The following DMD variants were observed in gnomAD, a reference collection of about 807,000 sequenced individuals.
DMD encodes the protein mutant dystrophin.
DMD carries 63 observed loss-of-function variants against 330.1 expected under a neutral mutation model. The observed-to-expected ratio is 0.19, with a 90% CI of 0.16 to 0.24. DMD has a LOEUF of 0.24. DMD is among the 10% of genes least tolerant of loss of function. DMD has a pLI of 1.00. For missense variants in DMD, 3,344 were observed against 2,684.1 expected (o/e 1.25, Z -5.43); for synonymous variants, 1,223 against 959.8 (o/e 1.27, Z -5.07).
At chrX:32,925,174 T>TTA (rs1491270637) in intron 2 of DMD, among the ~76,000 whole-genome samples, 26 of 77,613 alleles carry the variant, frequency 3.3e-4, no homozygotes, top group African/African-American at 1.2e-3. Context: ...TTTTTTTTTT[T>TTA]AGAAAAATAA....
chrX:32,170,925 T>C (rs993016874), intron 44 of DMD, among the ~76,000 whole-genome samples: 1 of 111,376 alleles, frequency 9.0e-6, no homozygotes, highest in African/African-American at 3.3e-5. Context: ...TCCTAAGTGA[T>C]ATACTCCTTT....
chrX:31,291,586 AAAAG>A (rs1245057496), intron 62 of DMD, among the ~76,000 whole-genome samples: 1 of 112,041 alleles, frequency 8.9e-6, no homozygotes, highest in African/African-American at 3.2e-5. Flanking sequence ...TGACACTGAC[AAAAG>A]AAGAAATAGA....
chrX:32,962,628 C>T (rs187774442), intron 2 of DMD, among the ~76,000 whole-genome samples: 22 of 111,553 alleles, frequency 2.0e-4, no homozygotes, highest in African/African-American at 7.2e-4. Flanking sequence ...TTCACACACA[C>T]CTCCACACAT....
At chrX:31,917,913 T>C (rs2094630811) in intron 47 of DMD, among the ~76,000 whole-genome samples, 1 of 111,762 alleles carries the variant, frequency 8.9e-6, no homozygotes, top group South Asian at 3.8e-4. Context: ...GTGCACAGTT[T>C]GGGACATGTG....
At chrX:32,795,965 G>T (rs1261875384) in intron 7 of DMD, among the ~76,000 whole-genome samples, 1 of 111,332 alleles carries the variant, frequency 9.0e-6, no homozygotes, top group Non-Finnish European at 1.9e-5. Flanking sequence ...AGATGTTGAC[G>T]AGGTGCAACG....
intron 1 of DMD, among the ~76,000 whole-genome samples, chrX:33,028,234 CG>C (rs890227516): frequency 8.1e-5 from 9 of 111,321 alleles, no homozygotes; most frequent in African/African-American, 2.6e-4. Flanking sequence ...GATGTGTTTA[CG>C]GGGTAGTATT....
At chrX:32,585,097 A>T (rs2149207340) in intron 13 of DMD, among the ~76,000 whole-genome samples, 1 of 111,517 alleles carries the variant, frequency 9.0e-6, no homozygotes, top group South Asian at 3.8e-4. Context: ...CAGAAAGACA[A>T]ATACCACATG....
chrX:32,528,514 A>C (rs748947179), intron 17 of DMD, among the ~76,000 whole-genome samples: 3 of 111,716 alleles, frequency 2.7e-5, no homozygotes, highest in Non-Finnish European at 5.6e-5. Context: ...CCAAAAATAA[A>C]AGGCTAACTC....
chrX:32,307,461 G>C (rs1366278742), intron 42 of DMD, among the ~76,000 whole-genome samples: 1 of 111,769 alleles, frequency 8.9e-6, no homozygotes, highest in Non-Finnish European at 1.9e-5. Flanking sequence ...AGAGCCCTAA[G>C]GCAAACAGTC....
At chrX:32,731,864 T>G (rs1401633475) in intron 7 of DMD, among the ~76,000 whole-genome samples, 1 of 111,793 alleles carries the variant, frequency 8.9e-6, no homozygotes, top group South Asian at 3.7e-4. Flanking sequence ...CCTCTCCTCC[T>G]CCAAAGGAAC....
intron 17 of DMD, among the ~76,000 whole-genome samples, chrX:32,539,350 T>C (rs927268237): frequency 9.0e-5 from 10 of 111,005 alleles, no homozygotes; most frequent in African/African-American, 3.3e-4. Context: ...ATTTAACCTT[T>C]CTGGACCTCA....
chrX:32,677,738 A>T (rs1328044753), intron 9 of DMD, among the ~76,000 whole-genome samples: 1 of 111,793 alleles, frequency 8.9e-6, no homozygotes, highest in East Asian at 2.8e-4. Context: ...ATGAGGAAAT[A>T]ACTATTATGA....
At chrX:32,589,865 C>A (rs1337059428) in intron 13 of DMD, among the ~76,000 whole-genome samples, 1 of 111,427 alleles carries the variant, frequency 9.0e-6, no homozygotes, top group Admixed American at 9.6e-5. Flanking sequence ...CAGCTAAATC[C>A]TCAAATGGCT....
chrX:31,603,217 C>T (rs1334310552), intron 55 of DMD, among the ~76,000 whole-genome samples: 1 of 110,586 alleles, frequency 9.0e-6, no homozygotes, highest in African/African-American at 3.3e-5. Context: ...ATTGGCCAAA[C>T]CCTACCAAAC....
chrX:32,532,530 T>C (rs2047577585), intron 17 of DMD, among the ~76,000 whole-genome samples: 1 of 112,633 alleles, frequency 8.9e-6, no homozygotes. Flanking sequence ...TCACTTGAAA[T>C]TTCTATGACA....
At chrX:31,156,551 C>T (rs1209666178) in intron 74 of DMD, among the ~76,000 whole-genome samples, 2 of 111,385 alleles carry the variant, frequency 1.8e-5, no homozygotes, top group Non-Finnish European at 3.8e-5. Context: ...CTTGCCTCTG[C>T]TGCTTGCTGA....
intron 43 of DMD, among the ~76,000 whole-genome samples, chrX:32,249,894 A>G (rs958764978): frequency 9.0e-6 from 1 of 111,135 alleles, no homozygotes; most frequent in African/African-American, 3.3e-5. Flanking sequence ...AGCCATAAGT[A>G]CTCCCTTTTT....
intron 44 of DMD, among the ~76,000 whole-genome samples, chrX:32,071,748 T>G (rs1403452306): frequency 2.7e-5 from 3 of 110,331 alleles, no homozygotes; most frequent in Admixed American, 9.6e-5. Context: ...AAAAATAAAA[T>G]AATAAAAACT....
intron 29 of DMD, chrX:32,412,247 T>G (rs750886096): frequency 2.3e-5 from 23 of 1,002,533 alleles, no homozygotes; most frequent in Non-Finnish European, 2.9e-5. Flanking sequence ...TTCCTCCTGA[T>G]CTCATTATAT....
Sources: allele counts gnomAD v4.1 joint callset (sites outside exome capture counted in the v4.1 genomes callset), GRCh38; gene constraint gnomAD v4.1.1; transcripts MANE v1.5; gene names NCBI Gene and HGNC (gene_info 2026-07-23, HGNC 2026-07-21).